The following SEMA3F variants were observed in gnomAD, a reference collection of about 807,000 sequenced individuals.
SEMA3F encodes the protein semaphorin 3F.
SEMA3F carries 30 observed loss-of-function variants against 98.5 expected under a neutral mutation model. That is an observed-to-expected ratio of 0.30 (90% confidence interval 0.23 to 0.41). The LOEUF is 0.41. Ranked by LOEUF, SEMA3F falls within the 10% of genes least tolerant of loss-of-function variation. The pLI is 1.00. For synonymous variants in SEMA3F, 380 were observed against 444.8 expected, an observed-to-expected ratio of 0.85 and a Z score of 1.83; for missense variants, 866 against 1,119.3, an observed-to-expected ratio of 0.77 and a Z score of 3.23.
intron 2 of SEMA3F, among the ~76,000 whole-genome samples, chr3:50,164,934 C>A (rs2109065990): frequency 6.6e-6 from 1 of 152,350 alleles, no homozygotes; most frequent in South Asian, 2.1e-4. Flanking sequence ...GAAGAAATCT[C>A]AGTCACCAGG....
rs749927083 is a variant in SEMA3F, at chr3:50,186,613, C to A, written c.1814C>A (p.Ala605Asp). 1 of 1,589,268 alleles carries A rather than the reference C, an allele frequency of 6.3e-7. No individual in the cohort carries two copies. The highest frequency in any genetic ancestry group is 2.3e-5 in the East Asian group (1 of 44,210). Residue 605 changes from alanine to aspartate, a missense_variant and splice_region_variant, in exon 18 of 19, where the codon GCC (alanine) becomes GAC (aspartate). Coordinates refer to ENST00000002829, the MANE Select transcript of SEMA3F (RefSeq NM_004186.5). ...IRQCRGFNSNANKNAVESVQY... is the reference protein window; with the variant it reads ...IRQCRGFNSNDNKNAVESVQY... ...TTGCTCAACCCCTCTCACTCTAAAG[C>A]CAACAAGAATGCCGTGGAGTCTGTG...
At chr3:50,184,384 G>A in intron 12 of SEMA3F, 1 of 589,552 alleles carries the variant, frequency 1.7e-6, no homozygotes, top group South Asian at 2.0e-5. Context: ...AGGCCAGGGA[G>A]GTGGCTGTGG....
chr3:50,183,133 C>T, intron 10 of SEMA3F, 53 bp from the exon 11 acceptor site: 1 of 1,579,874 alleles, frequency 6.3e-7, no homozygotes, highest in East Asian at 2.2e-5. Context: ...GTGGGTGGGG[C>T]CCAGGGGCTC....
intron 6 of SEMA3F, 93 bp from the exon 7 acceptor site, chr3:50,176,675 G>A: frequency 1.1e-6 from 1 of 899,344 alleles, no homozygotes. Flanking sequence ...GGTATGCCTG[G>A]GGGCTCATTC....
chr3:50,165,910 C>A (rs1476233132), intron 2 of SEMA3F, among the ~76,000 whole-genome samples: 1 of 152,162 alleles, frequency 6.6e-6, no homozygotes, highest in Non-Finnish European at 1.5e-5. Context: ...GATTGGGGGG[C>A]TAGCCTGTTG....
chr3:50,177,471 A>G (rs1181801262), intron 7 of SEMA3F, among the ~76,000 whole-genome samples: 1 of 152,112 alleles, frequency 6.6e-6, no homozygotes, highest in Non-Finnish European at 1.5e-5. Flanking sequence ...CTGATTGTTC[A>G]ACACAGTCTG....
At position 50,183,574 on chromosome 3, in the gene SEMA3F, C is replaced by T. The variant is rs1182141391; in HGVS notation, c.1233+10C>T. ...CCCACGGCCGGGCACGGTAAGGACC[C>T]CACTCATCCTGCCTCTCCCCTTTCT... is the stretch of plus-strand genomic sequence containing the variant. On this transcript the variant is annotated intron_variant, in intron 12 of 18. Coordinates refer to ENST00000002829, the MANE Select transcript of SEMA3F (RefSeq NM_004186.5). The T allele has an allele frequency of 5.6e-6, 9 of 1,613,130 alleles. No homozygotes were observed. Among genetic ancestry groups the T allele is most frequent in the Non-Finnish European group, 7.6e-6 (9 of 1,179,634 alleles).
At chr3:50,169,492 C>T (rs1698522142) in intron 2 of SEMA3F, among the ~76,000 whole-genome samples, 1 of 152,190 alleles carries the variant, frequency 6.6e-6, no homozygotes. Context: ...AAATCCTTCC[C>T]GGATGTCACC....
Position 50,180,896 on chromosome 3 carries a change from G to A in SEMA3F, c.644-1388G>A, listed in dbSNP as rs202092091. 1.3e-4 allele frequency among the ~76,000 whole-genome samples: 20 copies of A among 151,910 alleles called. No homozygotes were observed. The East Asian group carries it at 1.7e-3, about 13-fold the overall frequency. ...AGCCTGGCCAACATGGTGAAACCCC[G>A]TCTCTACTAAAAATACAAAAATTAG... is the stretch of plus-strand genomic sequence containing the variant. On this transcript the variant is annotated intron_variant, in intron 7 of 18. Coordinates refer to ENST00000002829, the MANE Select transcript of SEMA3F (RefSeq NM_004186.5).
At position 50,185,348 on chromosome 3, in the gene SEMA3F, AG is replaced by A. The variant is rs67267625; in HGVS notation, c.1457-89del. On this transcript the variant is annotated intron_variant, in intron 13 of 18. Transcript: ENST00000002829. Reference sequence around the variant, plus strand: ...CACAAAGCTCCAGCTCCAATGCCCTAGGGGGGTTTGGGCCCTGGTGGGGGAA... The same window carrying A: ...CACAAAGCTCCAGCTCCAATGCCCTAGGGGGTTTGGGCCCTGGTGGGGGAA... 7.4e-4 allele frequency: 854 copies of A among 1,158,916 alleles called. 11 individuals are homozygous for A. The African/African-American group carries it at 0.011, about 15-fold the overall frequency. 71.8% of individuals were successfully genotyped at this position (1,158,916 alleles called of 1,614,324 possible).
chr3:50,161,581 C>G (rs1698210656), intron 2 of SEMA3F, among the ~76,000 whole-genome samples: 1 of 152,238 alleles, frequency 6.6e-6, no homozygotes, highest in African/African-American at 2.4e-5. Context: ...CATCCCAGGG[C>G]TCCTGTGCCT....
intron 7 of SEMA3F, among the ~76,000 whole-genome samples, chr3:50,177,097 A>G (rs1698844542): frequency 1.3e-5 from 2 of 152,224 alleles, no homozygotes; most frequent in African/African-American, 4.8e-5. Flanking sequence ...GGGACCAAGG[A>G]AGCCAGGTCC....
chr3:50,179,769 G>T (rs1698954906), intron 7 of SEMA3F, among the ~76,000 whole-genome samples: 1 of 152,214 alleles, frequency 6.6e-6, no homozygotes, highest in Admixed American at 6.5e-5. Flanking sequence ...TTTGGAGATG[G>T]CTGCTTTCCT....
intron 7 of SEMA3F, among the ~76,000 whole-genome samples, chr3:50,181,598 A>T (rs185054973): frequency 1.4e-3 from 212 of 150,542 alleles, no homozygotes; most frequent in Non-Finnish European, 2.6e-3. Context: ...CTGGGATTAC[A>T]GGAGGCATAA....
At position 50,176,843 on chromosome 3, in the gene SEMA3F, A is replaced by G. The variant is rs1698833918; in HGVS notation, c.625A>G (p.Thr209Ala). 3.1e-6 allele frequency: 5 copies of G among 1,613,562 alleles called. No individual in the cohort carries two copies. The highest frequency in any genetic ancestry group is 2.2e-5 in the South Asian group (2 of 91,088). The change falls in exon 7 of 19, where the codon ACA becomes GCA. Residue 209 changes from threonine to alanine, a missense_variant. Physicochemically the swap from Thr to Ala is moderately conservative, Grantham distance 58. Transcript: ENST00000002829. ...GKCPYDPKLD[T>A]ASALINEELY... is the part of the protein sequence containing the mutation. Reference sequence around the variant, plus strand: ...GTGTCCGTACGATCCCAAGCTGGACACAGCATCGGCCCTCATCAGTGAGTG... The same window carrying G: ...GTGTCCGTACGATCCCAAGCTGGACGCAGCATCGGCCCTCATCAGTGAGTG...
At chr3:50,168,527 G>A (rs1190443261) in intron 2 of SEMA3F, among the ~76,000 whole-genome samples, 1 of 152,138 alleles carries the variant, frequency 6.6e-6, no homozygotes, top group Admixed American at 6.5e-5. Flanking sequence ...AGGAAGGTAC[G>A]TACAAAGGCA....
At chr3:50,167,564 CT>C (rs985605268) in intron 2 of SEMA3F, among the ~76,000 whole-genome samples, 14 of 151,670 alleles carry the variant, frequency 9.2e-5, no homozygotes, top group Non-Finnish European at 1.8e-4. Context: ...CCCCTGCCCC[CT>C]GCCCCCAGCC....
At chr3:50,157,165 C>CCCCCA (rs1698017783) in intron 1 of SEMA3F, among the ~76,000 whole-genome samples, 1 of 151,948 alleles carries the variant, frequency 6.6e-6, no homozygotes, top group African/African-American at 2.4e-5. Context: ...TCCACCCCCA[C>CCCCCA]CCCCAACTCC....
rs1697936466 is a variant in SEMA3F, at chr3:50,155,451, AG to A, written c.-160del. On this transcript the variant is annotated 5_prime_UTR_variant, in exon 1 of 19. Coordinates refer to ENST00000002829, the MANE Select transcript of SEMA3F (RefSeq NM_004186.5). The surrounding 1 kb of genome is among the most constrained non-coding windows in gnomAD (Gnocchi z 4.9). ...ATCCCGGCTGAGGCGCAGCGGCGAG[AG>A]GTCGCGGGCAGGGCCATGGCCCCGG... 6.9e-6 allele frequency: 2 copies of A among 289,762 alleles called. No individual in the cohort carries two copies. Among genetic ancestry groups the A allele is most frequent in the Admixed American group, 5.2e-5 (1 of 19,122 alleles). 17.9% of individuals were successfully genotyped at this position (289,762 alleles called of 1,614,324 possible).
Sources: gnomAD v4.1 joint callset for allele counts (sites outside exome capture counted in the v4.1 genomes callset) on GRCh38, gnomAD v4.1.1 for gene constraint, Gnocchi (gnomAD v3.1) non-coding constraint, MANE v1.5 for transcripts, NCBI Gene and HGNC (gene_info 2026-07-23, HGNC 2026-07-21) for gene names.